Variants in PDE10A observed in about 807,000 individuals in gnomAD.
The protein encoded by PDE10A is phosphodiesterase 10A, also known as cAMP and cAMP-inhibited cGMP 3',5'-cyclic phosphodiesterase 10A.
In PDE10A, 39 loss-of-function variants were observed where a neutral mutation model predicts 97.7. The observed-to-expected ratio is 0.40, with a 90% confidence interval of 0.31 to 0.52. The LOEUF (loss-of-function observed/expected upper bound fraction) is 0.52, where lower values mean the gene tolerates loss of function less well. PDE10A is among the 20% of genes least tolerant of loss of function. The pLI, the probability that PDE10A is intolerant of heterozygous loss-of-function variation, is 0.56. For synonymous variants in PDE10A, 371 were observed against 376.8 expected (o/e 0.98, Z 0.18); for missense variants, 731 against 1,047.8 (o/e 0.70, Z 4.17).
At chr6:165,871,177 G>A (rs970793165) in intron 1 of PDE10A, among the ~76,000 whole-genome samples, 3 of 152,150 alleles carry the variant, frequency 2.0e-5, no homozygotes, top group African/African-American at 4.8e-5. Flanking sequence ...CACAGCGTAC[G>A]CATGTATTGA....
chr6:165,947,747 G>A (rs537035252), intron 1 of PDE10A, among the ~76,000 whole-genome samples: 3 of 152,144 alleles, frequency 2.0e-5, no homozygotes, highest in East Asian at 3.9e-4. Context: ...TTTTGATGTC[G>A]AAATTGTCAT....
At chr6:165,568,173 G>GT (rs1784881228) in intron 1 of PDE10A, among the ~76,000 whole-genome samples, 1 of 151,672 alleles carries the variant, frequency 6.6e-6, no homozygotes, top group African/African-American at 2.4e-5. Flanking sequence ...TAATTTTTTT[G>GT]TATTTTTAGT....
At chr6:165,681,284 T>TC (rs1463357533) in intron 1 of PDE10A, among the ~76,000 whole-genome samples, 1 of 152,222 alleles carries the variant, frequency 6.6e-6, no homozygotes, top group Non-Finnish European at 1.5e-5. Context: ...GAAGCCTGTT[T>TC]CCTAATACTT....
chr6:165,371,456 G>T (rs1363859443), intron 18 of PDE10A, among the ~76,000 whole-genome samples: 1 of 151,890 alleles, frequency 6.6e-6, no homozygotes, highest in African/African-American at 2.4e-5. Flanking sequence ...ACACCTCTAC[G>T]CAAATAAACT....
chr6:165,814,712 CAG>C (rs1562750177), intron 1 of PDE10A, among the ~76,000 whole-genome samples: 1 of 152,082 alleles, frequency 6.6e-6, no homozygotes, highest in Non-Finnish European at 1.5e-5. Context: ...AAGGAAGAAA[CAG>C]AGAAGAGCCA....
At chr6:165,764,866 C>G (rs1415115161) in intron 1 of PDE10A, among the ~76,000 whole-genome samples, 1 of 152,164 alleles carries the variant, frequency 6.6e-6, no homozygotes, top group Non-Finnish European at 1.5e-5. Flanking sequence ...TGCTTTTATT[C>G]TCTTATCTGG....
At chr6:165,804,667 G>C (rs1229978209) in intron 1 of PDE10A, among the ~76,000 whole-genome samples, 1 of 152,068 alleles carries the variant, frequency 6.6e-6, no homozygotes, top group Non-Finnish European at 1.5e-5. Flanking sequence ...GGGCTGGTGG[G>C]ATCAGAGCGC....
intron 1 of PDE10A, among the ~76,000 whole-genome samples, chr6:165,765,322 G>C (rs144538674): frequency 7.2e-6 from 1 of 138,356 alleles, no homozygotes; most frequent in African/African-American, 2.7e-5. Flanking sequence ...GGGACTGGGC[G>C]CTGTAGAGCA....
At chr6:165,443,520 T>C (rs1384445885) in intron 5 of PDE10A, among the ~76,000 whole-genome samples, 2 of 152,168 alleles carry the variant, frequency 1.3e-5, no homozygotes, top group Non-Finnish European at 2.9e-5. Context: ...GTGGAAGCTG[T>C]TGGTGGATCT....
intron 1 of PDE10A, among the ~76,000 whole-genome samples, chr6:165,783,902 G>A (rs1261372997): frequency 6.6e-6 from 1 of 152,180 alleles, no homozygotes; most frequent in East Asian, 1.9e-4. Context: ...TGTTCAAGAA[G>A]AAAGTGAGAA....
At chr6:165,460,426 A>T (rs1778250440) in intron 3 of PDE10A, among the ~76,000 whole-genome samples, 1 of 152,194 alleles carries the variant, frequency 6.6e-6, no homozygotes, top group African/African-American at 2.4e-5. Context: ...AAATTAAATG[A>T]ACAGGAGGAT....
intron 2 of PDE10A, among the ~76,000 whole-genome samples, chr6:165,522,994 C>CCAAA (rs909512712): frequency 3.8e-4 from 58 of 151,310 alleles, no homozygotes; most frequent in African/African-American, 1.4e-3. Context: ...AAACCAAGCG[C>CCAAA]CAAATCAAGA....
In PDE10A at chr6:165,542,763, T is replaced by C. The variant is rs374608114; in HGVS notation, c.994+677A>G. Among the ~76,000 whole-genome samples the C allele has an allele frequency of 1.1e-3, 162 of 151,594 alleles. No homozygotes were observed. In the East Asian group the frequency reaches 0.028, roughly 26 times the overall value. ...CCTCCTGAGTAGCTGGGACTACAGG[T>C]GCCCACCACCATGCCCGGCTAATTT... On this transcript the variant is annotated intron_variant, in intron 2 of 21. Transcript: ENST00000539869.
intron 1 of PDE10A, chr6:165,894,731 A>G (rs539351965): frequency 2.9e-6 from 1 of 340,248 alleles, no homozygotes; most frequent in Non-Finnish European, 5.8e-6. Flanking sequence ...GAAAATGCAT[A>G]TAAATATGTG....
At chr6:165,481,901 A>G (rs779643827) in intron 3 of PDE10A, among the ~76,000 whole-genome samples, 3 of 152,214 alleles carry the variant, frequency 2.0e-5, no homozygotes, top group Admixed American at 6.5e-5. Flanking sequence ...AGCCAGCTAC[A>G]TGGAGGACTG....
At chr6:165,435,009 T>C (rs1013777290) in intron 6 of PDE10A, among the ~76,000 whole-genome samples, 1 of 152,246 alleles carries the variant, frequency 6.6e-6, no homozygotes, top group Non-Finnish European at 1.5e-5. Flanking sequence ...TGTGTTTAAC[T>C]GTACTGGCAT....
intron 1 of PDE10A, among the ~76,000 whole-genome samples, chr6:165,951,304 G>A (rs987898195): frequency 6.6e-6 from 1 of 152,048 alleles, no homozygotes; most frequent in African/African-American, 2.4e-5. Context: ...TATTACCTGT[G>A]CATCCTTTTG....
At chr6:165,721,551 C>T (rs1259165398) in intron 1 of PDE10A, among the ~76,000 whole-genome samples, 1 of 152,192 alleles carries the variant, frequency 6.6e-6, no homozygotes, top group Non-Finnish European at 1.5e-5. Flanking sequence ...TTCCAGATTC[C>T]ATCAGTGGTC....
intron 1 of PDE10A, among the ~76,000 whole-genome samples, chr6:165,637,654 C>T (rs550874578): frequency 1.3e-4 from 20 of 152,276 alleles, no homozygotes; most frequent in East Asian, 7.7e-4. Flanking sequence ...AAAGGTTCTG[C>T]GTCAATAGTG....
Sources: allele counts gnomAD v4.1 joint callset (sites outside exome capture counted in the v4.1 genomes callset), GRCh38; gene constraint gnomAD v4.1.1; transcripts MANE v1.5; gene names NCBI Gene and HGNC (gene_info 2026-07-23, HGNC 2026-07-21).